Variants in LEKR1 observed in about 807,000 individuals in gnomAD.
The protein encoded by LEKR1 is leucine, glutamate and lysine rich 1, also known as protein LEKR1.
A neutral mutation model predicts 72.4 loss-of-function variants in LEKR1; 59 were observed. The ratio of observed to expected loss-of-function variants is 0.82; its 90% CI spans 0.66 to 1.01. The LOEUF (loss-of-function observed/expected upper bound fraction) is 1.01. Among genes scored for constraint, LEKR1 ranks in the 50% least tolerant of loss-of-function variants. The pLI is 0.00. For missense variants in LEKR1, 728 were observed against 759.2 expected, an observed-to-expected ratio of 0.96 and a Z score of 0.48; for synonymous variants, 257 against 263.2, an observed-to-expected ratio of 0.98 and a Z score of 0.23.
chr3:156,976,464 A>G (rs1472297705), intron 6 of LEKR1, among the ~76,000 whole-genome samples: 1 of 152,092 alleles, frequency 6.6e-6, no homozygotes, highest in African/African-American at 2.4e-5. Context: ...AAATCTTCTC[A>G]TGGAATCAGT....
intron 2 of LEKR1, among the ~76,000 whole-genome samples, chr3:156,835,582 C>A (rs62273913): frequency 0.031 from 4,748 of 152,346 alleles, 107 homozygotes; most frequent in Non-Finnish European, 0.047. Flanking sequence ...TCAGCTCAAT[C>A]TGTAATCAGT....
chr3:156,867,024 A>T (rs1244462823), intron 3 of LEKR1, among the ~76,000 whole-genome samples: 1 of 152,108 alleles, frequency 6.6e-6, no homozygotes, highest in African/African-American at 2.4e-5. Context: ...CTAAGAGAGA[A>T]GCCTCTGGAC....
intron 9 of LEKR1, among the ~76,000 whole-genome samples, chr3:156,994,054 A>G (rs1560133748): frequency 6.6e-6 from 1 of 152,078 alleles, no homozygotes. Context: ...CACAAGTTTC[A>G]TAAGGGCAGG....
At chr3:157,025,430 T>C (rs1734116001) in intron 11 of LEKR1, among the ~76,000 whole-genome samples, 1 of 152,140 alleles carries the variant, frequency 6.6e-6, no homozygotes, top group Non-Finnish European at 1.5e-5. Context: ...TTTCCTGTTT[T>C]TATAGGACTT....
Position 156,992,674 on chromosome 3 carries a change from T to A in LEKR1, c.849T>A (p.Asp283Glu). 1.0e-6 allele frequency: 1 copy of A among 979,678 alleles called. No homozygotes were observed. The highest frequency in any genetic ancestry group is 1.3e-6 in the Non-Finnish European group (1 of 770,102). 60.7% of individuals were successfully genotyped at this position (979,678 alleles called of 1,614,324 possible). A position where few individuals can be genotyped will look rare whatever the true frequency, so the allele number is the denominator to read the frequency against. The change falls in exon 8 of 13, where the codon GAT (aspartate) becomes GAA (glutamate). Residue 283 changes from aspartate (D) to glutamate (E), a missense_variant. Asp to Glu is a conservative substitution (Grantham distance 45, BLOSUM62 2). Coordinates refer to ENST00000356539, the MANE Select transcript of LEKR1 (RefSeq NM_001004316.3). ...TTAGGAATAAATCTAATGAAGCTGA[T>A]GACTGTCAAAGAGAACTTAAAAAAC... Reference protein sequence around the residue: ...EMLMNKSNEADDCQRELKKLK... With the variant: ...EMLMNKSNEAEDCQRELKKLK...
chr3:156,977,023 C>G (rs1467591719), intron 6 of LEKR1, among the ~76,000 whole-genome samples: 1 of 152,196 alleles, frequency 6.6e-6, no homozygotes, highest in East Asian at 1.9e-4. Flanking sequence ...GGAGTTCACC[C>G]GTTTGGCTGG....
At chr3:156,934,381 T>G (rs75204368) in intron 5 of LEKR1, among the ~76,000 whole-genome samples, 4,832 of 152,246 alleles carry the variant, frequency 0.032, 117 homozygotes, top group Non-Finnish European at 0.047. Context: ...AATATTTATA[T>G]TAGGTTTTGG....
intron 2 of LEKR1, among the ~76,000 whole-genome samples, chr3:156,848,395 G>T (rs1576655448): frequency 6.6e-6 from 1 of 152,112 alleles, no homozygotes; most frequent in African/African-American, 2.4e-5. Context: ...TATTATGAAA[G>T]GGTGATTTGT....
chr3:156,899,283 T>C (rs1042127936), intron 3 of LEKR1, among the ~76,000 whole-genome samples: 9 of 146,808 alleles, frequency 6.1e-5, no homozygotes, highest in African/African-American at 1.5e-4. Flanking sequence ...TGTATATATA[T>C]ACATGTATAT....
At chr3:156,831,469 C>T (rs1232393364) in intron 2 of LEKR1, among the ~76,000 whole-genome samples, 1 of 152,138 alleles carries the variant, frequency 6.6e-6, no homozygotes, top group African/African-American at 2.4e-5. Flanking sequence ...GTTAGATTGG[C>T]CCATACCCAG....
intron 6 of LEKR1, among the ~76,000 whole-genome samples, chr3:156,954,915 G>A (rs1262772429): frequency 6.6e-6 from 1 of 151,942 alleles, no homozygotes; most frequent in Non-Finnish European, 1.5e-5. Flanking sequence ...AGTTTAATGG[G>A]AATAGCATTG....
intron 3 of LEKR1, among the ~76,000 whole-genome samples, chr3:156,893,604 C>T (rs1415551799): frequency 1.3e-5 from 2 of 152,028 alleles, no homozygotes; most frequent in African/African-American, 4.8e-5. Flanking sequence ...TGTGTGGCAT[C>T]CCTCCCCCTT....
At chr3:156,919,236 C>G (rs894411733) in intron 3 of LEKR1, among the ~76,000 whole-genome samples, 9 of 152,184 alleles carry the variant, frequency 5.9e-5, no homozygotes, top group African/African-American at 2.2e-4. Context: ...TTGCTTTTCC[C>G]CCCAGCAATT....
chr3:156,899,503 C>T (rs1721669134), intron 3 of LEKR1, among the ~76,000 whole-genome samples: 1 of 106,284 alleles, frequency 9.4e-6, no homozygotes, highest in Non-Finnish European at 1.8e-5. Context: ...CACATATATA[C>T]ATGTATATAT....
chr3:156,842,950 C>CAAAA (rs1317065520), intron 2 of LEKR1, among the ~76,000 whole-genome samples: 1 of 152,134 alleles, frequency 6.6e-6, no homozygotes, highest in Non-Finnish European at 1.5e-5. Context: ...TCACATTTGG[C>CAAAA]TCCTTTTTCT....
intron 5 of LEKR1, among the ~76,000 whole-genome samples, chr3:156,939,988 T>C (rs1018615369): frequency 6.6e-6 from 1 of 152,172 alleles, no homozygotes; most frequent in Admixed American, 6.6e-5. Flanking sequence ...ATATGTGTTT[T>C]AACTGCCTAT....
At chr3:156,853,189 T>C (rs1001594857) in intron 3 of LEKR1, 8 of 304,910 alleles carry the variant, frequency 2.6e-5, no homozygotes, top group African/African-American at 1.7e-4. Flanking sequence ...TCTGAAAAAT[T>C]AGAAACCAAT....
At chr3:156,983,779 C>A (rs943549015) in intron 7 of LEKR1, among the ~76,000 whole-genome samples, 1 of 152,154 alleles carries the variant, frequency 6.6e-6, no homozygotes, top group Non-Finnish European at 1.5e-5. Flanking sequence ...CCAGTGCCCC[C>A]ACCAGGTAGC....
chr3:156,951,481 A>G (rs1236328218), intron 6 of LEKR1, among the ~76,000 whole-genome samples: 2 of 150,856 alleles, frequency 1.3e-5, no homozygotes, highest in Non-Finnish European at 3.0e-5. Flanking sequence ...TGAATCCATC[A>G]GCTCCTGGGG....
Sources: gnomAD v4.1 joint callset for allele counts (sites outside exome capture counted in the v4.1 genomes callset) on GRCh38, gnomAD v4.1.1 for gene constraint, MANE v1.5 for transcripts, NCBI Gene and HGNC (gene_info 2026-07-23, HGNC 2026-07-21) for gene names.